DTNA: variants seen among roughly 807,000 people sequenced by gnomAD.
DTNA encodes dystrobrevin alpha.
A neutral mutation model predicts 100.7 loss-of-function variants in DTNA; 43 were observed. That is an observed-to-expected ratio of 0.43 (90% CI 0.33 to 0.55). The LOEUF (loss-of-function observed/expected upper bound fraction) is 0.55. Among genes scored for constraint, DTNA ranks in the 20% least tolerant of loss-of-function variants. The probability of loss-of-function intolerance (pLI) is 0.04; values close to 1 mark genes in which losing one functional copy is unlikely to be tolerated. For missense variants in DTNA, 798 were observed against 953.9 expected (o/e 0.84, Z 2.15); for synonymous variants, 349 against 347.9 (o/e 1.00, Z -0.04).
chr18:34,520,199 T>G (rs1461662877), intron 1 of DTNA, among the ~76,000 whole-genome samples: 2 of 152,224 alleles, frequency 1.3e-5, no homozygotes, highest in African/African-American at 4.8e-5. Flanking sequence ...CAGCCAGTGT[T>G]GACAAACATT....
chr18:34,756,596 A>T (rs72955117), intron 2 of DTNA, among the ~76,000 whole-genome samples: 14,673 of 152,266 alleles, frequency 0.096, 705 homozygotes, highest in South Asian at 0.12. Flanking sequence ...TTTTAAAAAT[A>T]CTAAGGAAAA....
At chr18:34,695,198 A>G (rs1424935897) in intron 1 of DTNA, among the ~76,000 whole-genome samples, 1 of 152,194 alleles carries the variant, frequency 6.6e-6, no homozygotes, top group Non-Finnish European at 1.5e-5. Flanking sequence ...TTCAGTTATT[A>G]ATAGGAATTC....
intron 15 of DTNA, 89 bp downstream of exon 15, chr18:34,852,017 C>T (rs2096486522): frequency 5.4e-6 from 7 of 1,297,906 alleles, no homozygotes; most frequent in East Asian, 4.9e-5. Context: ...CAGGGCTTTA[C>T]ACCCTGTATG....
chr18:34,764,972 A>T lies in DTNA; in HGVS notation c.68-989A>T, dbSNP rs373348607. ...GTCTAGAGATTAACTCATTCAAAGG[A>T]GGGTGGGAGGAATACTAGGAGCTCA... On this transcript the variant is annotated intron_variant, in intron 2 of 22. Coordinates refer to ENST00000444659, the MANE Select transcript of DTNA (RefSeq NM_001386795.1). Among the ~76,000 whole-genome samples the T allele has an allele frequency of 8.5e-5, 13 of 152,306 alleles. No homozygotes were observed. In the East Asian group the frequency reaches 2.5e-3, roughly 29 times the overall value.
At chr18:34,763,457 T>A (rs146521865) in intron 2 of DTNA, among the ~76,000 whole-genome samples, 313 of 152,318 alleles carry the variant, frequency 2.1e-3, no homozygotes, top group African/African-American at 7.4e-3. Flanking sequence ...TATGACGTCC[T>A]ACCCTTAGCT....
At chr18:34,571,397 A>C (rs184451277) in intron 1 of DTNA, among the ~76,000 whole-genome samples, 1 of 152,140 alleles carries the variant, frequency 6.6e-6, no homozygotes, top group African/African-American at 2.4e-5. Flanking sequence ...CTCACCCAGG[A>C]AAAGAGACTT....
intron 1 of DTNA, among the ~76,000 whole-genome samples, chr18:34,522,562 C>T (rs546759946): frequency 1.3e-5 from 2 of 152,246 alleles, no homozygotes; most frequent in African/African-American, 4.8e-5. Context: ...TGAGCCATTT[C>T]CTACAGGAAG....
At chr18:34,677,448 CA>C (rs2077528537) in intron 1 of DTNA, among the ~76,000 whole-genome samples, 1 of 152,154 alleles carries the variant, frequency 6.6e-6, no homozygotes, top group African/African-American at 2.4e-5. Flanking sequence ...GTCCCTAGGA[CA>C]ATACCAAGTG....
chr18:34,578,281 A>G (rs1289946244), intron 1 of DTNA, among the ~76,000 whole-genome samples: 1 of 152,018 alleles, frequency 6.6e-6, no homozygotes, highest in Non-Finnish European at 1.5e-5. Flanking sequence ...TTCTTTTGAT[A>G]ATTGTCTATT....
intron 1 of DTNA, among the ~76,000 whole-genome samples, chr18:34,735,987 T>C (rs2089489259): frequency 1.3e-5 from 2 of 152,210 alleles, no homozygotes; most frequent in Admixed American, 6.5e-5. Context: ...CTTTTGACTT[T>C]ACTACTTTTG....
chr18:34,674,767 T>G (rs1383283), intron 1 of DTNA, among the ~76,000 whole-genome samples: 2,219 of 152,314 alleles, frequency 0.015, 43 homozygotes, highest in African/African-American at 0.047. Context: ...TTAAAGATTA[T>G]GTACTAGAGA....
intron 1 of DTNA, among the ~76,000 whole-genome samples, chr18:34,704,595 T>C (rs1031893668): frequency 1.3e-5 from 2 of 152,218 alleles, no homozygotes; most frequent in Non-Finnish European, 2.9e-5. Context: ...TTGTTATAGC[T>C]ACAGTTAGTA....
intron 1 of DTNA, among the ~76,000 whole-genome samples, chr18:34,693,976 GTA>G (rs1288735912): frequency 6.6e-6 from 1 of 151,966 alleles, no homozygotes; most frequent in Non-Finnish European, 1.5e-5. Flanking sequence ...AAAGATACAG[GTA>G]TATGTCTTTG....
chr18:34,615,237 C>G (rs1197040649), intron 1 of DTNA, among the ~76,000 whole-genome samples: 2 of 152,056 alleles, frequency 1.3e-5, no homozygotes, highest in Non-Finnish European at 2.9e-5. Context: ...AGGTGCCACA[C>G]TCTTTTAAAC....
intron 1 of DTNA, among the ~76,000 whole-genome samples, chr18:34,594,622 G>A (rs935035416): frequency 3.3e-5 from 5 of 152,126 alleles, no homozygotes; most frequent in Admixed American, 2.6e-4. Context: ...GCTTCTTATG[G>A]ATTTTTCATT....
chr18:34,879,664 C>A lies in DTNA; in HGVS notation c.2107C>A (p.Arg703=), dbSNP rs1390748366. 1 of 1,614,030 alleles carries A rather than the reference C, an allele frequency of 6.2e-7. No individual in the cohort carries two copies. The highest frequency in any genetic ancestry group is 1.1e-5 in the South Asian group (1 of 91,076). The part of the protein sequence containing the change: ...EKAFLAQIHA[R]KPGYIHSGAT... The stretch of plus-strand genomic sequence containing the variant: ...GGCTTTTCTAGCGCAAATCCATGCC[C>A]GAAAACCTGGGTACATTCACAGTGG... The change falls in exon 20 of 23, where the codon CGA becomes AGA. Residue 703 remains arginine (R), a synonymous_variant. Coordinates refer to ENST00000444659, the MANE Select transcript of DTNA (RefSeq NM_001386795.1).
intron 1 of DTNA, among the ~76,000 whole-genome samples, chr18:34,602,331 G>C (rs866089688): frequency 6.6e-6 from 1 of 152,124 alleles, no homozygotes. Flanking sequence ...GGAGGGCTGG[G>C]ATAAGAATCT....
At chr18:34,615,695 A>G (rs2579811) in intron 1 of DTNA, among the ~76,000 whole-genome samples, 17,117 of 152,186 alleles carry the variant, frequency 0.11, 1,022 homozygotes, top group African/African-American at 0.13. Flanking sequence ...TACTCAAGTA[A>G]TAAGCAGAGT....
chr18:34,630,218 A>T (rs1337570348), intron 1 of DTNA, among the ~76,000 whole-genome samples: 1 of 152,082 alleles, frequency 6.6e-6, no homozygotes, highest in African/African-American at 2.4e-5. Context: ...CGGGTGATTT[A>T]TGAAAAGGAG....
Sources: allele counts gnomAD v4.1 joint callset (sites outside exome capture counted in the v4.1 genomes callset), GRCh38; gene constraint gnomAD v4.1.1; transcripts MANE v1.5; gene names NCBI Gene and HGNC (gene_info 2026-07-23, HGNC 2026-07-21).